Variants in KCNMB2 observed in about 807,000 individuals in gnomAD.
KCNMB2 encodes potassium calcium-activated channel subfamily M regulatory beta subunit 2.
Under a neutral mutation model 24.5 loss-of-function variants are expected in KCNMB2, and 9 were observed. The observed-to-expected ratio is 0.37, with a 90% CI of 0.22 to 0.64. The LOEUF (loss-of-function observed/expected upper bound fraction) is 0.64. Among genes scored for constraint, KCNMB2 ranks in the 30% least tolerant of loss-of-function variants. The pLI is 0.63. For missense variants in KCNMB2, 226 were observed against 284.3 expected (o/e 0.79, Z 1.47); for synonymous variants, 109 against 104.4 (o/e 1.04, Z -0.27).
chr3:178,572,036 C>A (rs185416028), intron 1 of KCNMB2, among the ~76,000 whole-genome samples: 1 of 152,100 alleles, frequency 6.6e-6, no homozygotes, highest in Non-Finnish European at 1.5e-5. Flanking sequence ...AATTACTGTA[C>A]AAGTGTAAGA....
At chr3:178,802,755 T>A (rs1713821277) in intron 1 of KCNMB2, among the ~76,000 whole-genome samples, 1 of 152,144 alleles carries the variant, frequency 6.6e-6, no homozygotes, top group Non-Finnish European at 1.5e-5. Context: ...AGAGGCACTA[T>A]CTTTATGTCT....
chr3:178,814,463 T>C (rs1234870128), intron 2 of KCNMB2, among the ~76,000 whole-genome samples: 1 of 152,230 alleles, frequency 6.6e-6, no homozygotes, highest in Non-Finnish European at 1.5e-5. Flanking sequence ...ATGATTTCTT[T>C]TCCTTTGGGT....
At chr3:178,714,177 T>C (rs1250747383) in intron 1 of KCNMB2, among the ~76,000 whole-genome samples, 3 of 152,198 alleles carry the variant, frequency 2.0e-5, no homozygotes, top group Non-Finnish European at 4.4e-5. Context: ...AGACACACTC[T>C]TTCTTCTTCA....
chr3:178,631,062 C>A (rs143001286), intron 1 of KCNMB2, among the ~76,000 whole-genome samples: 1 of 152,042 alleles, frequency 6.6e-6, no homozygotes, highest in East Asian at 1.9e-4. Flanking sequence ...ATTTTTAATA[C>A]GGAGAAAGTG....
At position 178,611,029 on chromosome 3, in the gene KCNMB2, T is replaced by G. The variant is rs1385719072; in HGVS notation, c.-68+74318T>G. Among the ~76,000 whole-genome samples, 3 of 152,230 alleles carry G rather than the reference T, an allele frequency of 2.0e-5. No individual in the cohort carries two copies. In the East Asian group the frequency reaches 5.8e-4, roughly 29 times the overall value. ...TTGGAAGTATTCGCTCCTCCTCTAT[T>G]TTTGTGAATAGTTTGAGTAGAATTG... is the stretch of plus-strand genomic sequence containing the variant. On this transcript the variant is annotated intron_variant, in intron 1 of 4. Transcript: ENST00000452583.
intron 1 of KCNMB2, among the ~76,000 whole-genome samples, chr3:178,631,558 G>A (rs1007066376): frequency 6.6e-6 from 1 of 152,146 alleles, no homozygotes; most frequent in Admixed American, 6.5e-5. Context: ...TGGATCGGGG[G>A]GTCGATGGAT....
chr3:178,732,438 C>A (rs1372647861), intron 1 of KCNMB2, among the ~76,000 whole-genome samples: 1 of 152,154 alleles, frequency 6.6e-6, no homozygotes, highest in Non-Finnish European at 1.5e-5. Flanking sequence ...CCACCTGAGG[C>A]TGAACAAGGC....
intron 1 of KCNMB2, among the ~76,000 whole-genome samples, chr3:178,768,437 T>G (rs923080142): frequency 6.6e-6 from 1 of 152,114 alleles, no homozygotes; most frequent in Non-Finnish European, 1.5e-5. Flanking sequence ...TGATAAATAT[T>G]TATACATGAT....
At chr3:178,658,558 C>A (rs780918613) in intron 1 of KCNMB2, among the ~76,000 whole-genome samples, 1 of 152,116 alleles carries the variant, frequency 6.6e-6, no homozygotes, top group Non-Finnish European at 1.5e-5. Context: ...CTTTTTCTTT[C>A]CTCTGAACTA....
intron 1 of KCNMB2, among the ~76,000 whole-genome samples, chr3:178,786,033 TC>T (rs1713087107): frequency 6.6e-6 from 1 of 152,138 alleles, no homozygotes; most frequent in East Asian, 1.9e-4. Context: ...AACTCAGTCA[TC>T]TCTATCTCCA....
rs1468475793 is a variant in KCNMB2 at position 178,771,529 on chromosome 3, G to A, written c.-67-35814G>A. Among the ~76,000 whole-genome samples the A allele has an allele frequency of 5.8e-5, 8 of 137,788 alleles. No individual in the cohort carries two copies. In the East Asian group the frequency reaches 1.3e-3, roughly 22 times the overall value. The allele number at this position is 137,788 out of a possible 152,430, so 90.4% of individuals were successfully genotyped here. On this transcript the variant is annotated intron_variant, in intron 1 of 4. Coordinates refer to ENST00000452583, the MANE Select transcript of KCNMB2 (RefSeq NM_181361.3). ...CAGGGTCTCACTCTGTCACCCAGGC[G>A]GGAGTACGGTGGTACAATCATAGCT... is the stretch of plus-strand genomic sequence containing the variant.
chr3:178,624,587 TTTTTTTCTTTC>T (rs1343922137), intron 1 of KCNMB2, among the ~76,000 whole-genome samples: 1 of 75,354 alleles, frequency 1.3e-5, no homozygotes, highest in Non-Finnish European at 2.5e-5. Context: ...CTATTTTTTC[TTTTTTTCTTTC>T]TTTTTTTTTT....
intron 4 of KCNMB2, among the ~76,000 whole-genome samples, chr3:178,831,301 A>C (rs1258448524): frequency 6.6e-6 from 1 of 152,194 alleles, no homozygotes; most frequent in East Asian, 1.9e-4. Context: ...AGGAACGCCT[A>C]TCCACTTTTG....
intron 1 of KCNMB2, among the ~76,000 whole-genome samples, chr3:178,552,505 C>CAATG (rs1388304439): frequency 6.6e-6 from 1 of 152,000 alleles, no homozygotes; most frequent in African/African-American, 2.4e-5. Flanking sequence ...AACTGTATAT[C>CAATG]AATGGTACTA....
At chr3:178,756,945 T>C (rs956264540) in intron 1 of KCNMB2, 1 of 151,840 alleles carries the variant, frequency 6.6e-6, no homozygotes, top group Admixed American at 6.6e-5. Context: ...GGAGCGATTT[T>C]AAAGAGAAAA....
intron 1 of KCNMB2, among the ~76,000 whole-genome samples, chr3:178,786,650 A>C (rs1286390648): frequency 6.6e-6 from 1 of 152,158 alleles, no homozygotes; most frequent in African/African-American, 2.4e-5. Context: ...TTACGAGTTA[A>C]TGGGTGCAGC....
intron 1 of KCNMB2, among the ~76,000 whole-genome samples, chr3:178,750,225 A>C (rs893143260): frequency 2.0e-5 from 3 of 152,052 alleles, no homozygotes; most frequent in African/African-American, 7.3e-5. Context: ...GGCAAAAAAA[A>C]AAAATTAGAA....
At chr3:178,752,125 T>C (rs1441496665) in intron 1 of KCNMB2, among the ~76,000 whole-genome samples, 1 of 152,234 alleles carries the variant, frequency 6.6e-6, no homozygotes, top group Non-Finnish European at 1.5e-5. Flanking sequence ...GTTATATAGC[T>C]ACAAAGTTGA....
intron 1 of KCNMB2, among the ~76,000 whole-genome samples, chr3:178,738,646 A>C (rs1723393157): frequency 6.6e-6 from 1 of 151,832 alleles, no homozygotes; most frequent in South Asian, 2.1e-4. Flanking sequence ...CCCATTTTTG[A>C]CCCCAGGACA....
Sources: gnomAD v4.1 joint callset for allele counts (sites outside exome capture counted in the v4.1 genomes callset) on GRCh38, gnomAD v4.1.1 for gene constraint, MANE v1.5 for transcripts, NCBI Gene and HGNC (gene_info 2026-07-23, HGNC 2026-07-21) for gene names.